Variants in PGAP1 observed in about 807,000 individuals in gnomAD.
The protein encoded by PGAP1 is GPI inositol-deacylase.
PGAP1 carries 76 observed loss-of-function variants against 127.0 expected under a neutral mutation model. The observed-to-expected ratio is 0.60, with a 90% CI of 0.50 to 0.72. The LOEUF is 0.72. Ranked by LOEUF, PGAP1 falls within the 30% of genes least tolerant of loss-of-function variation. The probability of loss-of-function intolerance (pLI) is 0.00; values close to 1 mark genes in which losing one functional copy is unlikely to be tolerated. For missense variants in PGAP1, 982 were observed against 1,071.3 expected (o/e 0.92, Z 1.16); for synonymous variants, 362 against 366.5 (o/e 0.99, Z 0.14).
intron 19 of PGAP1, among the ~76,000 whole-genome samples, chr2:196,866,072 T>TA (rs1406482068): frequency 6.6e-6 from 1 of 152,146 alleles, no homozygotes; most frequent in Admixed American, 6.6e-5. Context: ...GATTCAATGT[T>TA]ATCCGCATCA....
rs932772242 is a variant in PGAP1 at position 196,838,153 on chromosome 2, C to T, written c.*3081G>A. ...AAATACTAAATGTTCCCAGTGTTTT[C>T]CTCTGTACAGACTATATTTGATCTG... On this transcript the variant is annotated 3_prime_UTR_variant, in exon 27 of 27. Transcript: ENST00000354764. 1 of 152,178 alleles carries T rather than the reference C, an allele frequency of 6.6e-6. No homozygotes were observed. Among genetic ancestry groups the T allele is most frequent in the Non-Finnish European group, 1.5e-5 (1 of 68,016 alleles). 9.4% of individuals were successfully genotyped at this position (152,178 alleles called of 1,614,324 possible). A position where few individuals can be genotyped will look rare whatever the true frequency, so the allele number is the denominator to read the frequency against.
At chr2:196,915,009 G>C (rs1372190774) in intron 3 of PGAP1, among the ~76,000 whole-genome samples, 2 of 151,382 alleles carry the variant, frequency 1.3e-5, no homozygotes, top group Admixed American at 6.6e-5. Flanking sequence ...GTAGACACAG[G>C]GTCTCACTAT....
At chr2:196,925,513 TTC>T (rs1197799788) in intron 1 of PGAP1, among the ~76,000 whole-genome samples, 1 of 152,064 alleles carries the variant, frequency 6.6e-6, no homozygotes, top group African/African-American at 2.4e-5. Flanking sequence ...TTCGGAAAAA[TTC>T]TCTTAGGACA....
intron 14 of PGAP1, among the ~76,000 whole-genome samples, chr2:196,875,081 A>G (rs1701523229): frequency 6.6e-6 from 1 of 152,208 alleles, no homozygotes; most frequent in African/African-American, 2.4e-5. Context: ...ATAATTGAAC[A>G]GTATTCTTCA....
intron 20 of PGAP1, among the ~76,000 whole-genome samples, chr2:196,860,991 C>T (rs926287303): frequency 2.6e-5 from 4 of 152,114 alleles, no homozygotes; most frequent in Non-Finnish European, 5.9e-5. Context: ...AAAACAGATA[C>T]ATAAGCCAAT....
At position 196,926,480 on chromosome 2, in the gene PGAP1, G is replaced by A. The variant is rs1482212033; in HGVS notation, c.137C>T (p.Pro46Leu). The A allele has an allele frequency of 1.2e-6, 2 of 1,614,088 alleles. No homozygotes were observed. Among genetic ancestry groups the A allele is most frequent in the Admixed American group, 1.7e-5 (1 of 60,018 alleles). Reference protein sequence around the residue: ...KCSMSYMFEYPEYQKIELPKK... With the variant: ...KCSMSYMFEYLEYQKIELPKK... ...AGGGCAGAACCTTACCTGATACTCCGGGTACTCAAACATGTAGCTCATACT... is the reference window on the plus strand; with the variant it reads ...AGGGCAGAACCTTACCTGATACTCCAGGTACTCAAACATGTAGCTCATACT... Residue 46 changes from proline to leucine, a missense_variant, in exon 1 of 27, where the codon CCG becomes CTG. Transcript: ENST00000354764.
In PGAP1 at chr2:196,843,780, T is replaced by C. The variant is rs1004876101; in HGVS notation, c.2525+108A>G. 15 of 579,762 alleles carry C rather than the reference T, an allele frequency of 2.6e-5. No homozygotes were observed. The African/African-American group carries it at 2.9e-4, about 11-fold the overall frequency. 35.9% of individuals were successfully genotyped at this position (579,762 alleles called of 1,614,324 possible). Reference sequence around the variant, plus strand: ...AATAAATTTCAGGTAATGTATAGCTTCCTGTTCCTGAGGAATTTTCATTAA... The same window carrying C: ...AATAAATTTCAGGTAATGTATAGCTCCCTGTTCCTGAGGAATTTTCATTAA... On this transcript the variant is annotated intron_variant, in intron 25 of 26. Transcript: ENST00000354764.
chr2:196,880,118 C>T lies in PGAP1; in HGVS notation c.1308G>A (p.Leu436=). Residue 436 remains leucine (L), a synonymous_variant, in exon 13 of 27, where the codon TTG becomes TTA. Coordinates refer to ENST00000354764, the MANE Select transcript of PGAP1 (RefSeq NM_024989.4). ...ATGGTACATAAACAACAAGATGAGACAAAGATGGATAGTCTTGAAGTCTTA... is the reference window on the plus strand; with the variant it reads ...ATGGTACATAAACAACAAGATGAGATAAAGATGGATAGTCTTGAAGTCTTA... ...LTLRLQDYPS[L]SHLVVYVPSV... 2 of 1,591,552 alleles carry T rather than the reference C, an allele frequency of 1.3e-6. No homozygotes were observed. The highest frequency in any genetic ancestry group is 2.7e-5 in the African/African-American group (2 of 73,084).
intron 12 of PGAP1, among the ~76,000 whole-genome samples, chr2:196,881,381 C>T (rs1701725230): frequency 6.6e-6 from 1 of 152,172 alleles, no homozygotes; most frequent in Non-Finnish European, 1.5e-5. Context: ...TGGGTATACA[C>T]CCAGTAATGG....
chr2:196,895,781 A>C (rs1702250640), intron 7 of PGAP1, among the ~76,000 whole-genome samples: 1 of 152,198 alleles, frequency 6.6e-6, no homozygotes, highest in Non-Finnish European at 1.5e-5. Context: ...GTTAAGAATT[A>C]AGTATTACCT....
intron 14 of PGAP1, among the ~76,000 whole-genome samples, chr2:196,874,467 G>T (rs1701498828): frequency 1.3e-5 from 2 of 152,140 alleles, no homozygotes; most frequent in African/African-American, 4.8e-5. Context: ...AAAATAGTGG[G>T]TTATTCTAAA....
intron 13 of PGAP1, among the ~76,000 whole-genome samples, chr2:196,879,412 C>T (rs1198874015): frequency 6.6e-6 from 1 of 152,074 alleles, no homozygotes; most frequent in East Asian, 1.9e-4. Flanking sequence ...AGGGTCTTGT[C>T]AGCCAGGCGC....
chr2:196,865,156 G>A, intron 19 of PGAP1, 76 bp from the exon 20 acceptor site: 1 of 797,020 alleles, frequency 1.3e-6, no homozygotes. Flanking sequence ...AAATTTAAAA[G>A]TTGCTCTTCA....
At chr2:196,864,833 A>T (rs1341920855) in intron 20 of PGAP1, among the ~76,000 whole-genome samples, 154 bp downstream of exon 20, 1 of 152,234 alleles carries the variant, frequency 6.6e-6, no homozygotes, top group African/African-American at 2.4e-5. Context: ...TTATAAAAAA[A>T]TAAATAATAA....
chr2:196,866,899 G>C (rs1701261083), intron 19 of PGAP1, among the ~76,000 whole-genome samples: 1 of 151,834 alleles, frequency 6.6e-6, no homozygotes, highest in Non-Finnish European at 1.5e-5. Flanking sequence ...AACATCGTCT[G>C]GTCATTAGAG....
rs1700185717 is a variant in PGAP1 at position 196,834,551 on chromosome 2, T to C, written c.*6683A>G. On this transcript the variant is annotated 3_prime_UTR_variant, in exon 27 of 27. Coordinates refer to ENST00000354764, the MANE Select transcript of PGAP1 (RefSeq NM_024989.4). ...CTGGTTTCTCATGGGTATGTTGTTA[T>C]ATTTATAGCCAGTCATAAGCTTCAG... 6.6e-6 allele frequency: 1 copy of C among 152,508 alleles called. No homozygotes were observed. Among genetic ancestry groups the C allele is most frequent in the South Asian group, 2.1e-4 (1 of 4,830 alleles). 9.4% of individuals were successfully genotyped at this position (152,508 alleles called of 1,614,324 possible).
At chr2:196,913,220 T>C (rs917365440) in intron 3 of PGAP1, among the ~76,000 whole-genome samples, 167 bp from the exon 4 acceptor site, 2 of 152,252 alleles carry the variant, frequency 1.3e-5, no homozygotes, top group Non-Finnish European at 2.9e-5. Flanking sequence ...TTTTAATTAG[T>C]GTATACATAC....
chr2:196,896,167 A>G (rs1245633151), intron 7 of PGAP1, among the ~76,000 whole-genome samples: 3 of 152,220 alleles, frequency 2.0e-5, no homozygotes. Context: ...TATGATTTCC[A>G]TATGTTCTGC....
intron 20 of PGAP1, among the ~76,000 whole-genome samples, chr2:196,857,887 T>C (rs1700936268): frequency 1.3e-5 from 2 of 152,284 alleles, no homozygotes; most frequent in South Asian, 4.1e-4. Context: ...ATCCTTTTTA[T>C]TTTTCCTTCA....
Sources: gnomAD v4.1 joint callset for allele counts (sites outside exome capture counted in the v4.1 genomes callset) on GRCh38, gnomAD v4.1.1 for gene constraint, MANE v1.5 for transcripts, NCBI Gene and HGNC (gene_info 2026-07-23, HGNC 2026-07-21) for gene names.